Variants in MAGEA11 observed in about 807,000 individuals in gnomAD.
MAGEA11 encodes melanoma-associated antigen 11.
In MAGEA11, 1 loss-of-function variant was observed where a neutral mutation model predicts 8.4. The ratio of observed to expected loss-of-function variants is 0.12; its 90% confidence interval spans 0.04 to 0.57. The LOEUF is 0.57. Ranked by LOEUF, MAGEA11 falls within the 20% of genes least tolerant of loss-of-function variation. The pLI, the probability that MAGEA11 is intolerant of heterozygous loss-of-function variation, is 0.91. For synonymous variants in MAGEA11, 127 were observed against 119.3 expected (o/e 1.06, Z -0.42); for missense variants, 209 against 317.3 (o/e 0.66, Z 2.59).
At chrX:149,696,840 A>T (rs1386112666) in intron 1 of MAGEA11, among the ~76,000 whole-genome samples, 2 of 111,831 alleles carry the variant, frequency 1.8e-5, no homozygotes, top group South Asian at 3.8e-4. Context: ...TCCTTCAAGT[A>T]CTGTCCCTCT....
rs2090404257 is a variant in MAGEA11, at chrX:149,712,091, C to T, written c.-89C>T. 1 of 751,896 alleles carries T rather than the reference C, an allele frequency of 1.3e-6. No homozygotes were observed. The allele number at this position is 751,896 out of a possible 1,213,427, so 62.0% of individuals were successfully genotyped here. On this transcript the variant is annotated 5_prime_UTR_variant, in exon 1 of 5. Coordinates refer to ENST00000355220, the MANE Select transcript of MAGEA11 (RefSeq NM_005366.5). Reference sequence around the variant, plus strand: ...TTCCGCCTCTGGGATCTGAGAGAAGCGAAAGCGTCTTTCTGAGGGGTGTCT... The same window carrying T: ...TTCCGCCTCTGGGATCTGAGAGAAGTGAAAGCGTCTTTCTGAGGGGTGTCT...
chrX:149,715,356 A>G (rs139125194), intron 3 of MAGEA11, among the ~76,000 whole-genome samples: 175 of 111,890 alleles, frequency 1.6e-3, no homozygotes, highest in Non-Finnish European at 1.8e-3. Context: ...TTCCTCTTCT[A>G]GAAGCTCCAA....
intron 2 of MAGEA11, chrX:149,714,203 C>T (rs1317191420): frequency 1.6e-5 from 5 of 322,255 alleles, no homozygotes; most frequent in South Asian, 6.4e-5. Context: ...GACCTCATCA[C>T]GGGTGGCCCC....
intron 1 of MAGEA11, among the ~76,000 whole-genome samples, chrX:149,701,747 G>A (rs1253854920): frequency 4.3e-4 from 48 of 110,852 alleles, no homozygotes; most frequent in African/African-American, 1.6e-3. Context: ...TTTTGTATAA[G>A]GTGTAAGGAA....
chrX:149,698,438 G>A (rs1292304309), intron 1 of MAGEA11, among the ~76,000 whole-genome samples: 3 of 111,463 alleles, frequency 2.7e-5, no homozygotes, highest in Non-Finnish European at 5.7e-5. Context: ...AGATTGATTT[G>A]TGAATATTGA....
chrX:149,710,460 T>C (rs1277257489), upstream of MAGEA11, among the ~76,000 whole-genome samples: 4 of 111,189 alleles, frequency 3.6e-5, no homozygotes, highest in Admixed American at 3.8e-4. Flanking sequence ...TTTGGTTTTG[T>C]TTTTTTGAGA....
At chrX:149,696,290 G>A (rs782292380) in intron 1 of MAGEA11, among the ~76,000 whole-genome samples, 2 of 109,961 alleles carry the variant, frequency 1.8e-5, no homozygotes, top group Non-Finnish European at 3.8e-5. Flanking sequence ...GCTTCCTCCA[G>A]GCAGATTCTC....
intron 1 of MAGEA11, 131 bp from the exon 2 acceptor site, chrX:149,713,012 G>A: frequency 2.2e-6 from 1 of 463,491 alleles, no homozygotes; most frequent in Non-Finnish European, 3.7e-6. Context: ...AGACCTAGGG[G>A]GAGCACAGAC....
Position 149,700,302 on chromosome X carries a change from A to G in MAGEA11, c.9+11318A>G, listed in dbSNP as rs782298895. 4.4e-5 allele frequency among the ~76,000 whole-genome samples: 5 copies of G among 112,593 alleles called. No individual in the cohort carries two copies. The East Asian group carries it at 1.4e-3, about 31-fold the overall frequency. On this transcript the variant is annotated intron_variant, in intron 1 of 3. Transcript: ENST00000333104. ...GAAGTGGCAAAATAGGGTCATCAAC[A>G]TGTCTCTCTAAAACTGTGCAATCAA...
At chrX:149,705,243 A>G (rs12398576) in intron 1 of MAGEA11, among the ~76,000 whole-genome samples, 42,673 of 110,873 alleles carry the variant, frequency 0.38, 6,492 homozygotes, top group Non-Finnish European at 0.47. Context: ...CATAATTCCC[A>G]TGTGTCGTGA....
chrX:149,714,695 C>A, intron 3 of MAGEA11, 119 bp downstream of exon 3: 1 of 1,073,714 alleles, frequency 9.3e-7, no homozygotes, highest in Non-Finnish European at 1.2e-6. Context: ...TGTGCTGAGA[C>A]CCCTCTCTTA....
chrX:149,706,201 C>T (rs1031790444), intron 1 of MAGEA11, among the ~76,000 whole-genome samples: 1 of 111,996 alleles, frequency 8.9e-6, no homozygotes, highest in African/African-American at 3.2e-5. Flanking sequence ...AACAAGAAAG[C>T]CTTACCCTTC....
rs1291219337 is a variant in MAGEA11 at position 149,715,962 on chromosome X, C to T, written c.476C>T (p.Thr159Ile). The change falls in exon 5 of 5, where the codon ACT becomes ATT. Residue 159 changes from threonine to isoleucine, a missense_variant. By Grantham distance (89) the Thr-to-Ile change is moderately conservative. This residue lies in a region of MAGEA11 where 131 missense variants were observed against 138.5 expected (regional missense o/e 0.95). Coordinates refer to ENST00000355220, the MANE Select transcript of MAGEA11 (RefSeq NM_005366.5). ...AFFSSTLNVG[T>I]LEELPAAESP... ...TTCTCCTCTACTCTGAATGTGGGCA[C>T]TCTAGAGGAGTTGCCTGCTGCTGAG... 8.3e-7 allele frequency: 1 copy of T among 1,209,503 alleles called. No individual in the cohort carries two copies. The highest frequency in any genetic ancestry group is 2.2e-5 in the Admixed American group (1 of 45,761).
In MAGEA11 at chrX:149,712,081, C is replaced by G. The variant is rs1398093142; in HGVS notation, c.-99C>G. The G allele has an allele frequency of 5.3e-6, 4 of 749,330 alleles. No homozygotes were observed. The highest frequency in any genetic ancestry group is 6.3e-6 in the Non-Finnish European group (4 of 636,689). 61.8% of individuals were successfully genotyped at this position (749,330 alleles called of 1,213,427 possible). On this transcript the variant is annotated 5_prime_UTR_variant, in exon 1 of 5. It adds an upstream start codon to the 5' untranslated region. Transcript: ENST00000355220. ...CTCCATTGGCTTCCGCCTCTGGGAT[C>G]TGAGAGAAGCGAAAGCGTCTTTCTG...
At chrX:149,703,552 A>T (rs1422283589) in intron 1 of MAGEA11, among the ~76,000 whole-genome samples, 1 of 111,778 alleles carries the variant, frequency 8.9e-6, no homozygotes, top group Non-Finnish European at 1.9e-5. Flanking sequence ...TCTTCAAAGC[A>T]ACTCTCACAG....
At chrX:149,697,339 G>T (rs2090333838) in intron 1 of MAGEA11, among the ~76,000 whole-genome samples, 1 of 111,412 alleles carries the variant, frequency 9.0e-6, no homozygotes, top group South Asian at 3.8e-4. Flanking sequence ...GCTCCTCACA[G>T]AAAGGAGTTG....
At chrX:149,699,344 C>T (rs1417581135) in intron 1 of MAGEA11, among the ~76,000 whole-genome samples, 1 of 111,573 alleles carries the variant, frequency 9.0e-6, no homozygotes, top group Non-Finnish European at 1.9e-5. Context: ...ATGGGACTTT[C>T]TAAGCCATTT....
At chrX:149,704,004 G>T (rs192513736) in intron 1 of MAGEA11, among the ~76,000 whole-genome samples, 1 of 112,230 alleles carries the variant, frequency 8.9e-6, no homozygotes, top group East Asian at 2.8e-4. Context: ...TTTCTTATGG[G>T]TTCAAAGCCC....
upstream of MAGEA11, chrX:149,712,026 G>A: frequency 1.3e-6 from 1 of 752,492 alleles, no homozygotes; most frequent in Non-Finnish European, 1.6e-6. Flanking sequence ...TAAATCCAGG[G>A]AAGCTCCAGG....
Sources: gnomAD v4.1 joint callset for allele counts (sites outside exome capture counted in the v4.1 genomes callset) on GRCh38, gnomAD v4.1.1 for gene constraint, gnomAD v4.1.1 regional missense constraint, MANE v1.5 for transcripts, NCBI Gene and HGNC (gene_info 2026-07-23, HGNC 2026-07-21) for gene names.